The following WIPF2 variants were observed in gnomAD, a reference collection of about 807,000 sequenced individuals.
WIPF2 encodes the protein WAS/WASL-interacting protein family member 2.
In WIPF2, 23 loss-of-function variants were observed where a neutral mutation model predicts 38.8. The ratio of observed to expected loss-of-function variants is 0.59; its 90% CI spans 0.43 to 0.84. The LOEUF (loss-of-function observed/expected upper bound fraction) is 0.84. Among genes scored for constraint, WIPF2 ranks in the 40% least tolerant of loss-of-function variants. The pLI is 0.00. For missense variants in WIPF2, 574 were observed against 580.5 expected, an observed-to-expected ratio of 0.99 and a Z score of 0.11; for synonymous variants, 210 against 223.2, an observed-to-expected ratio of 0.94 and a Z score of 0.53.
chr17:40,274,748 G>A (rs2032344422), intron 6 of WIPF2, among the ~76,000 whole-genome samples: 1 of 151,072 alleles, frequency 6.6e-6, no homozygotes, highest in South Asian at 2.1e-4. Context: ...CTCAAGACCA[G>A]CCTGGGCAAC....
At chr17:40,265,914 T>C (rs769540380) in intron 5 of WIPF2, among the ~76,000 whole-genome samples, 1 of 152,134 alleles carries the variant, frequency 6.6e-6, no homozygotes, top group Non-Finnish European at 1.5e-5. Flanking sequence ...GCCAGATGGT[T>C]AGGACTACTG....
intron 1 of WIPF2, among the ~76,000 whole-genome samples, chr17:40,227,844 G>C (rs901195893): frequency 5.3e-5 from 8 of 151,258 alleles, no homozygotes; most frequent in African/African-American, 1.9e-4. Flanking sequence ...GCAAGACTTT[G>C]TCTCAAAACA....
intron 1 of WIPF2, among the ~76,000 whole-genome samples, chr17:40,231,121 G>A (rs1476300882): frequency 2.0e-5 from 3 of 152,194 alleles, no homozygotes; most frequent in Middle Eastern, 3.4e-3. Flanking sequence ...ATCAAGGGAC[G>A]GAAATGTGCA....
chr17:40,270,026 T>G (rs1473491973), intron 5 of WIPF2, among the ~76,000 whole-genome samples: 1 of 152,064 alleles, frequency 6.6e-6, no homozygotes, highest in East Asian at 1.9e-4. Context: ...TGGAAATTGT[T>G]TTTTAGGGAC....
chr17:40,237,484 G>A (rs371003168), intron 1 of WIPF2, among the ~76,000 whole-genome samples: 4 of 151,940 alleles, frequency 2.6e-5, no homozygotes, highest in South Asian at 2.1e-4. Flanking sequence ...CAAATGATCC[G>A]CCTGTGTTGG....
chr17:40,220,604 TATATATATATATATGTATATATATATA>T (rs2030172930), intron 1 of WIPF2: 10 of 121,058 alleles, frequency 8.3e-5, no homozygotes, highest in South Asian at 2.4e-4. Context: ...TATATATATA[TATATATATATATATGTATATATATATA>T]TTTTTTTGTT....
intron 4 of WIPF2, among the ~76,000 whole-genome samples, chr17:40,262,992 C>G (rs2031959998): frequency 6.6e-6 from 1 of 152,116 alleles, no homozygotes; most frequent in Non-Finnish European, 1.5e-5. Context: ...TATGTGGGAT[C>G]TGAAACAGTT....
Position 40,274,557 on chromosome 17 carries a change from G to GAAAAAAAAA in WIPF2, c.1180+581_1180+589dup, listed in dbSNP as rs571085371. ...CATCCAGCCTTTCCTTGGAATTCTT[G>GAAAAAAAAA]AAAAAAAAAAAAAAAAAAAAAAAAA... On this transcript the variant is annotated intron_variant, in intron 6 of 7. Transcript: ENST00000323571. Among the ~76,000 whole-genome samples, 11 of 24,786 alleles carry GAAAAAAAAA rather than the reference G, an allele frequency of 4.4e-4. 1 individual carries two copies. Among genetic ancestry groups the GAAAAAAAAA allele is most frequent in the African/African-American group, 1.0e-3 (7 of 6,832 alleles). The allele number at this position is 24,786 out of a possible 152,430, so 16.3% of individuals were successfully genotyped here. A position where few individuals can be genotyped will look rare whatever the true frequency, so the allele number is the denominator to read the frequency against.
At chr17:40,255,279 A>G (rs1439987129) in intron 1 of WIPF2, among the ~76,000 whole-genome samples, 3 of 151,890 alleles carry the variant, frequency 2.0e-5, no homozygotes, top group Admixed American at 1.3e-4. Flanking sequence ...GCTTGAGGCC[A>G]GGAGTTGGAG....
At chr17:40,250,186 A>C (rs568799216) in intron 1 of WIPF2, among the ~76,000 whole-genome samples, 1 of 124,154 alleles carries the variant, frequency 8.1e-6, no homozygotes, top group Non-Finnish European at 1.7e-5. Flanking sequence ...TAAGATATTG[A>C]CTCCTGAGGA....
chr17:40,254,402 T>C (rs2031656154), intron 1 of WIPF2, among the ~76,000 whole-genome samples: 1 of 152,152 alleles, frequency 6.6e-6, no homozygotes, highest in Non-Finnish European at 1.5e-5. Flanking sequence ...ACCTTTCTTG[T>C]CATCTGTAAG....
intron 4 of WIPF2, among the ~76,000 whole-genome samples, chr17:40,263,232 A>G (rs902391972): frequency 2.6e-5 from 4 of 152,050 alleles, no homozygotes; most frequent in Non-Finnish European, 4.4e-5. Flanking sequence ...TGGTTTCAGG[A>G]TGAAACTGTT....
At chr17:40,239,103 G>A (rs1043251473) in intron 1 of WIPF2, among the ~76,000 whole-genome samples, 14 of 146,452 alleles carry the variant, frequency 9.6e-5, no homozygotes, top group Non-Finnish European at 7.5e-5. Flanking sequence ...ACGGAGTCTC[G>A]CTCTGTCGCC....
intron 1 of WIPF2, among the ~76,000 whole-genome samples, chr17:40,251,471 GT>G (rs2031560832): frequency 6.6e-6 from 1 of 151,956 alleles, no homozygotes; most frequent in Non-Finnish European, 1.5e-5. Flanking sequence ...AAGGAAAGTT[GT>G]TTTAATTTGA....
At chr17:40,225,458 A>G (rs1429914632) in intron 1 of WIPF2, among the ~76,000 whole-genome samples, 2 of 152,130 alleles carry the variant, frequency 1.3e-5, no homozygotes, top group Admixed American at 1.3e-4. Context: ...TTGGCTTAAG[A>G]GCCTGCAGAA....
intron 5 of WIPF2, among the ~76,000 whole-genome samples, chr17:40,271,618 G>A (rs2032249138): frequency 6.6e-6 from 1 of 152,168 alleles, no homozygotes; most frequent in Non-Finnish European, 1.5e-5. Flanking sequence ...GTTACGAAAA[G>A]CAGTGTGGGA....
intron 1 of WIPF2, among the ~76,000 whole-genome samples, chr17:40,254,928 A>G (rs1295370616): frequency 6.6e-6 from 1 of 151,818 alleles, no homozygotes; most frequent in Non-Finnish European, 1.5e-5. Flanking sequence ...ATGGGGTTTC[A>G]CATATTGGTC....
intron 2 of WIPF2, among the ~76,000 whole-genome samples, chr17:40,257,059 A>C (rs1199897257): frequency 6.6e-6 from 1 of 151,932 alleles, no homozygotes; most frequent in Non-Finnish European, 1.5e-5. Context: ...GCTCACTGCA[A>C]CCTCTGCCTC....
chr17:40,264,712 C>G lies in WIPF2; in HGVS notation c.536C>G (p.Pro179Arg). The stretch of plus-strand genomic sequence containing the variant: ...AAGCACAGCTCCTCTGCCCCTCCCC[C>G]ACCACCCCCAGGGCGGCGTGCCAAC... ...GMKHSSSAPP[P>R]PPPGRRANAP... Residue 179 changes from proline (P) to arginine (R), a missense_variant, in exon 5 of 8, where the codon CCA becomes CGA. Coordinates refer to ENST00000323571, the MANE Select transcript of WIPF2 (RefSeq NM_133264.5). 1 of 1,611,788 alleles carries G rather than the reference C, an allele frequency of 6.2e-7. No homozygotes were observed. The highest frequency in any genetic ancestry group is 8.5e-7 in the Non-Finnish European group (1 of 1,178,854).
Sources: gnomAD v4.1 joint callset for allele counts (sites outside exome capture counted in the v4.1 genomes callset) on GRCh38, gnomAD v4.1.1 for gene constraint, MANE v1.5 for transcripts, NCBI Gene and HGNC (gene_info 2026-07-23, HGNC 2026-07-21) for gene names.